Variants in RYR2 observed in about 807,000 individuals in gnomAD.
The protein encoded by RYR2 is cardiac muscle ryanodine receptor-calcium release channel.
Under a neutral mutation model 601.1 loss-of-function variants are expected in RYR2, and 227 were observed. That is an observed-to-expected ratio of 0.38 (90% CI 0.34 to 0.42). The LOEUF is 0.42. RYR2 is among the 10% of genes least tolerant of loss of function. The pLI is 1.00. For synonymous variants in RYR2, 2,223 were observed against 2,175.1 expected (o/e 1.02, Z -0.61); for missense variants, 4,646 against 6,156.5 (o/e 0.75, Z 8.21).
intron 1 of RYR2, among the ~76,000 whole-genome samples, chr1:237,175,974 G>C (rs1196055584): frequency 6.6e-6 from 1 of 152,124 alleles, no homozygotes; most frequent in Non-Finnish European, 1.5e-5. Context: ...GCTCATGCCT[G>C]TCATCCCAGC....
In RYR2 at chr1:237,699,152, G is replaced by A. The variant is rs112705164; in HGVS notation, c.9128+127G>A. 5.4e-4 allele frequency: 275 copies of A among 507,534 alleles called. 2 individuals carry two copies. The highest frequency in any genetic ancestry group is 4.6e-3 in the African/African-American group (234 of 50,406). 31.4% of individuals were successfully genotyped at this position (507,534 alleles called of 1,614,324 possible). On this transcript the variant is annotated intron_variant, in intron 64 of 104. Coordinates refer to ENST00000366574, the MANE Select transcript of RYR2 (RefSeq NM_001035.3). ...GATTTGTAATAAAGTCTTTAGTGTA[G>A]GTGAAAAGAAAAACTTTTTAAAATT...
chr1:237,346,237 C>T (rs896123132), intron 3 of RYR2, among the ~76,000 whole-genome samples: 1 of 151,708 alleles, frequency 6.6e-6, no homozygotes, highest in Non-Finnish European at 1.5e-5. Context: ...TGTGGTGCAA[C>T]GTGCCTGTAG....
At chr1:237,453,683 T>C (rs1658464181) in intron 14 of RYR2, among the ~76,000 whole-genome samples, 1 of 152,180 alleles carries the variant, frequency 6.6e-6, no homozygotes, top group Admixed American at 6.5e-5. Context: ...GAAATACTTT[T>C]GATCTGTAGA....
At chr1:237,356,745 A>G (rs915366081) in intron 4 of RYR2, among the ~76,000 whole-genome samples, 12 of 152,288 alleles carry the variant, frequency 7.9e-5, no homozygotes, top group African/African-American at 2.9e-4. Context: ...ACACCAAGGT[A>G]CCTTCCAATA....
chr1:237,755,257 A>T, intron 80 of RYR2: 2 of 369,344 alleles, frequency 5.4e-6, no homozygotes, highest in Non-Finnish European at 9.4e-6. Context: ...CATTTTTTAA[A>T]CCTCTTCCAT....
At chr1:237,809,157 G>A (rs1161006658) in intron 100 of RYR2, 122 bp downstream of exon 100, 20 of 928,962 alleles carry the variant, frequency 2.2e-5, no homozygotes, top group Non-Finnish European at 3.1e-5. Flanking sequence ...ATAAAAAGTT[G>A]CAGGGCTGTT....
intron 2 of RYR2, among the ~76,000 whole-genome samples, chr1:237,298,323 C>T (rs1693011553): frequency 6.6e-6 from 1 of 152,012 alleles, no homozygotes; most frequent in South Asian, 2.1e-4. Context: ...TCTAGTAATC[C>T]AAGGATGGCC....
intron 1 of RYR2, among the ~76,000 whole-genome samples, chr1:237,167,238 G>C (rs1207453274): frequency 6.6e-6 from 1 of 152,084 alleles, no homozygotes; most frequent in Admixed American, 6.5e-5. Flanking sequence ...CTGGGGAAGA[G>C]GGGAAAAAAA....
In RYR2 at chr1:237,830,368, C is replaced by T. The variant is rs759237839; in HGVS notation, c.14656-162C>T. ...AGCCAACACCAAGATATAGTTACAG[C>T]GACAGTTCCATTTATATTCGTGGGC... On this transcript the variant is annotated intron_variant, in intron 102 of 104. Coordinates refer to ENST00000366574, the MANE Select transcript of RYR2 (RefSeq NM_001035.3). The T allele has an allele frequency of 4.3e-5, 23 of 539,996 alleles. No homozygotes were observed. The East Asian group carries it at 5.1e-4, about 12-fold the overall frequency. 33.5% of individuals were successfully genotyped at this position (539,996 alleles called of 1,614,324 possible).
Position 237,409,269 on chromosome 1 carries a change from T to C in RYR2, c.774-7780T>C, listed in dbSNP as rs575797235. 1.1e-4 allele frequency among the ~76,000 whole-genome samples: 16 copies of C among 152,216 alleles called. No homozygotes were observed. In the East Asian group the frequency reaches 2.9e-3, roughly 28 times the overall value. ...TATAGAAGCAACAAGTTTCTTATGA[T>C]TGAGTATGGTGTTGGCTGTAGGCAT... is the stretch of plus-strand genomic sequence containing the variant. On this transcript the variant is annotated intron_variant, in intron 10 of 104. Transcript: ENST00000366574.
At chr1:237,295,531 T>A (rs1242891300) in intron 2 of RYR2, among the ~76,000 whole-genome samples, 1 of 152,224 alleles carries the variant, frequency 6.6e-6, no homozygotes, top group African/African-American at 2.4e-5. Flanking sequence ...AAATGTTGGC[T>A]ATCTGCATTT....
At chr1:237,650,660 G>A (rs188629597) in intron 50 of RYR2, among the ~76,000 whole-genome samples, 19 of 152,274 alleles carry the variant, frequency 1.2e-4, no homozygotes, top group African/African-American at 4.3e-4. Flanking sequence ...GCCTGTGAAA[G>A]TGATAATTTC....
intron 84 of RYR2, among the ~76,000 whole-genome samples, chr1:237,770,591 T>A (rs1694192168): frequency 6.6e-6 from 1 of 152,348 alleles, no homozygotes; most frequent in Non-Finnish European, 1.5e-5. Context: ...GTCTGAGTTT[T>A]AAAATTCAAA....
chr1:237,208,962 A>ATATATGTG (rs1682172638), intron 1 of RYR2, among the ~76,000 whole-genome samples: 1 of 103,924 alleles, frequency 9.6e-6, no homozygotes, highest in African/African-American at 3.2e-5. Flanking sequence ...ATATATATAT[A>ATATATGTG]TATATATATA....
chr1:237,483,928 T>G (rs1228452426), intron 17 of RYR2, among the ~76,000 whole-genome samples: 1 of 152,162 alleles, frequency 6.6e-6, no homozygotes, highest in Non-Finnish European at 1.5e-5. Context: ...TTTGAATAAT[T>G]TGTAATTAAT....
intron 14 of RYR2, among the ~76,000 whole-genome samples, chr1:237,448,876 T>C (rs1657717794): frequency 6.6e-6 from 1 of 152,056 alleles, no homozygotes; most frequent in African/African-American, 2.4e-5. Flanking sequence ...TTAAAGTGCA[T>C]TTCTTTTAAG....
At chr1:237,321,644 A>T (rs2149527169) in intron 2 of RYR2, among the ~76,000 whole-genome samples, 1 of 152,310 alleles carries the variant, frequency 6.6e-6, no homozygotes, top group African/African-American at 2.4e-5. Context: ...GGGAACCTCA[A>T]ATCCTCTTCC....
At chr1:237,234,999 C>T (rs114335212) in intron 1 of RYR2, among the ~76,000 whole-genome samples, 1 of 151,818 alleles carries the variant, frequency 6.6e-6, no homozygotes, top group African/African-American at 2.4e-5. Flanking sequence ...GATGTAGTAA[C>T]CCCCCCTGGG....
At position 237,367,912 on chromosome 1, in the gene RYR2, C is replaced by T. The variant is rs144748374; in HGVS notation, c.310-1622C>T. Among the ~76,000 whole-genome samples, 1,059 of 152,282 alleles carry T rather than the reference C, an allele frequency of 7.0e-3. 17 individuals carry two copies. Among genetic ancestry groups the T allele is most frequent in the African/African-American group, 0.024 (984 of 41,548 alleles). ...ACTTACCATGGCCTGACCTCACGCT[C>T]ATAGCTGGAGGTGAAATGATAATCA... On this transcript the variant is annotated intron_variant, in intron 5 of 104. Transcript: ENST00000366574.
Sources: allele counts gnomAD v4.1 joint callset (sites outside exome capture counted in the v4.1 genomes callset), GRCh38; gene constraint gnomAD v4.1.1; transcripts MANE v1.5; gene names NCBI Gene and HGNC (gene_info 2026-07-23, HGNC 2026-07-21).